WDR72: variants seen among roughly 807,000 people sequenced by gnomAD.
The protein encoded by WDR72 is WD repeat domain 72.
Under a neutral mutation model 124.2 loss-of-function variants are expected in WDR72, and 120 were observed. The observed-to-expected ratio is 0.97, with a 90% confidence interval of 0.83 to 1.12. WDR72 has a LOEUF of 1.12. WDR72 is among the 50% of genes most tolerant of loss of function. The probability of loss-of-function intolerance (pLI) is 0.00; values close to 1 mark genes in which losing one functional copy is unlikely to be tolerated. For synonymous variants in WDR72, 452 were observed against 441.7 expected, an observed-to-expected ratio of 1.02 and a Z score of -0.29; for missense variants, 1,387 against 1,278.8, an observed-to-expected ratio of 1.08 and a Z score of -1.29.
chr15:53,635,497 T>C (rs2014589882), intron 14 of WDR72, among the ~76,000 whole-genome samples: 1 of 152,130 alleles, frequency 6.6e-6, no homozygotes, highest in Non-Finnish European at 1.5e-5. Context: ...TTAAAATTTA[T>C]TTTCTTAAAA....
chr15:53,607,189 G>A (rs1443030498), intron 17 of WDR72, among the ~76,000 whole-genome samples: 1 of 151,834 alleles, frequency 6.6e-6, no homozygotes, highest in Non-Finnish European at 1.5e-5. Context: ...GGAGAAAGAA[G>A]GATTTAAATT....
chr15:53,703,951 A>G (rs2017261980), intron 11 of WDR72, among the ~76,000 whole-genome samples: 1 of 152,156 alleles, frequency 6.6e-6, no homozygotes. Context: ...AGCCTAGATA[A>G]AAACTGCTAG....
At chr15:53,557,969 T>C (rs1328335685) in intron 18 of WDR72, among the ~76,000 whole-genome samples, 1 of 151,982 alleles carries the variant, frequency 6.6e-6, no homozygotes, top group Non-Finnish European at 1.5e-5. Context: ...GGTATGGTTA[T>C]TGTAGTGAAT....
chr15:53,603,192 T>C (rs2013122692), intron 17 of WDR72, among the ~76,000 whole-genome samples: 1 of 151,716 alleles, frequency 6.6e-6, no homozygotes, highest in African/African-American at 2.4e-5. Flanking sequence ...CATATGCAAA[T>C]CAATAAATAT....
chr15:53,546,170 A>C (rs1460892467), intron 18 of WDR72, among the ~76,000 whole-genome samples: 1 of 146,160 alleles, frequency 6.8e-6, no homozygotes, highest in Non-Finnish European at 1.5e-5. Context: ...CTGGGTATAT[A>C]CCCAAAGGAC....
intron 18 of WDR72, among the ~76,000 whole-genome samples, chr15:53,537,855 T>C (rs1436496099): frequency 6.6e-6 from 1 of 152,208 alleles, no homozygotes; most frequent in African/African-American, 2.4e-5. Context: ...CTATATTATC[T>C]TGATCTTCAT....
intron 18 of WDR72, among the ~76,000 whole-genome samples, chr15:53,546,615 G>C (rs1196959300): frequency 6.6e-6 from 1 of 152,050 alleles, no homozygotes; most frequent in Non-Finnish European, 1.5e-5. Flanking sequence ...GTATACATAT[G>C]TAACTAACCT....
chr15:53,620,243 A>T (rs911937550), intron 14 of WDR72, among the ~76,000 whole-genome samples: 2 of 152,028 alleles, frequency 1.3e-5, no homozygotes, highest in Non-Finnish European at 2.9e-5. Flanking sequence ...TTGGCTGAAT[A>T]TATTATGGCA....
chr15:53,737,746 G>A (rs565208533), intron 1 of WDR72, among the ~76,000 whole-genome samples: 2 of 152,176 alleles, frequency 1.3e-5, no homozygotes, highest in African/African-American at 4.8e-5. Flanking sequence ...AACAGATCAA[G>A]CAGACAACAA....
intron 11 of WDR72, 63 bp downstream of exon 11, chr15:53,704,925 C>A: frequency 1.3e-6 from 2 of 1,584,936 alleles, no homozygotes; most frequent in East Asian, 2.2e-5. Flanking sequence ...TTGTTTAGTG[C>A]AGTCTGTTGA....
chr15:53,551,595 T>G (rs1041036061), intron 18 of WDR72, among the ~76,000 whole-genome samples: 2 of 152,144 alleles, frequency 1.3e-5, no homozygotes, highest in Non-Finnish European at 2.9e-5. Flanking sequence ...TTTGGTTACT[T>G]ATGCAAACAT....
At chr15:53,731,195 G>A (rs1398020615) in intron 2 of WDR72, among the ~76,000 whole-genome samples, 1 of 152,018 alleles carries the variant, frequency 6.6e-6, no homozygotes, top group Non-Finnish European at 1.5e-5. Context: ...TCCTTCACTT[G>A]TCATCTCAAC....
In WDR72 at chr15:53,705,170, T is replaced by G; in HGVS notation, c.1166A>C (p.Gln389Pro). ...DNFDKHDTMSQSIIDYFSGLK... is the reference protein window; with the variant it reads ...DNFDKHDTMSPSIIDYFSGLK... ...CCCAGAGAAATAGTCAATAATACTT[T>G]GTGACATAGTATCATGCTTATCAAA... Residue 389 changes from glutamine to proline, a missense_variant, in exon 11 of 20, where the codon CAA (glutamine) becomes CCA (proline). Physicochemically the swap from Gln to Pro is moderately conservative, Grantham distance 76 (BLOSUM62 -1). Transcript: ENST00000360509. 1 of 1,614,096 alleles carries G rather than the reference T, an allele frequency of 6.2e-7. No homozygotes were observed. The highest frequency in any genetic ancestry group is 8.5e-7 in the Non-Finnish European group (1 of 1,180,010).
chr15:53,758,575 G>A lies in WDR72; in HGVS notation c.-13+1058C>T, dbSNP rs189551046. On this transcript the variant is annotated intron_variant, in intron 1 of 19. Coordinates refer to ENST00000360509, the MANE Select transcript of WDR72 (RefSeq NM_182758.4). ...CTGCACAAGACCAACTTAACCACAA[G>A]TACTTGCATGACAGAAGTGGCCGCT... Among the ~76,000 whole-genome samples, 18 of 152,124 alleles carry A rather than the reference G, an allele frequency of 1.2e-4. No homozygotes were observed. The East Asian group carries it at 2.1e-3, about 18-fold the overall frequency.
chr15:53,716,583 C>T (rs772304486), intron 4 of WDR72, 24 bp downstream of exon 4: 4 of 1,496,464 alleles, frequency 2.7e-6, no homozygotes, highest in Admixed American at 1.7e-5. Flanking sequence ...CTAGAAATGC[C>T]CTGAAGGAAG....
At chr15:53,537,478 G>A (rs932035513) in intron 18 of WDR72, among the ~76,000 whole-genome samples, 1 of 152,118 alleles carries the variant, frequency 6.6e-6, no homozygotes, top group South Asian at 2.1e-4. Context: ...CTATTAAAAT[G>A]CCCAGTTCAA....
intron 18 of WDR72, among the ~76,000 whole-genome samples, chr15:53,583,655 A>G (rs1345951371): frequency 6.6e-6 from 1 of 152,166 alleles, no homozygotes; most frequent in East Asian, 1.9e-4. Flanking sequence ...CCCACAGGTG[A>G]GCAGGCAATT....
intron 16 of WDR72, among the ~76,000 whole-genome samples, chr15:53,612,250 G>A: frequency 6.6e-6 from 1 of 152,014 alleles, no homozygotes; most frequent in East Asian, 1.9e-4. Context: ...TAGGAACCAG[G>A]GACACAGCAA....
Position 53,523,227 on chromosome 15 carries a change from C to G in WDR72, c.3244G>C (p.Glu1082Gln). ...MPDRCALEESESPGEPRHHSW... is the reference protein window; with the variant it reads ...MPDRCALEESQSPGEPRHHSW... Reference sequence around the variant, plus strand: ...TTTAAATGGCTTTCACCTGGACTCTCAGACTCTTCCAAGGCACATCTGTCA... The same window carrying G: ...TTTAAATGGCTTTCACCTGGACTCTGAGACTCTTCCAAGGCACATCTGTCA... Residue 1082 changes from glutamate to glutamine, a missense_variant, in exon 19 of 20, where the codon GAG (glutamate) becomes CAG (glutamine). Glu to Gln is a conservative substitution (Grantham distance 29, BLOSUM62 2). Coordinates refer to ENST00000360509, the MANE Select transcript of WDR72 (RefSeq NM_182758.4). The G allele has an allele frequency of 3.7e-6, 6 of 1,613,002 alleles. No individual in the cohort carries two copies. The highest frequency in any genetic ancestry group is 5.1e-6 in the Non-Finnish European group (6 of 1,179,276).
Sources: gnomAD v4.1 joint callset for allele counts (sites outside exome capture counted in the v4.1 genomes callset) on GRCh38, gnomAD v4.1.1 for gene constraint, MANE v1.5 for transcripts, NCBI Gene and HGNC (gene_info 2026-07-23, HGNC 2026-07-21) for gene names.